The following IFT88 variants were observed in gnomAD, a reference collection of about 807,000 sequenced individuals.
The protein encoded by IFT88 is intraflagellar transport 88.
Under a neutral mutation model 119.5 loss-of-function variants are expected in IFT88, and 74 were observed. That is an observed-to-expected ratio of 0.62 (90% confidence interval 0.51 to 0.75). IFT88 has a LOEUF of 0.75. IFT88 is among the 30% of genes least tolerant of loss of function. The pLI is 0.00. For synonymous variants in IFT88, 279 were observed against 316.7 expected, an observed-to-expected ratio of 0.88 and a Z score of 1.26; for missense variants, 961 against 977.7, an observed-to-expected ratio of 0.98 and a Z score of 0.23.
At chr13:20,571,922 G>C (rs2036435333) in intron 1 of IFT88, among the ~76,000 whole-genome samples, 1 of 152,164 alleles carries the variant, frequency 6.6e-6, no homozygotes, top group Non-Finnish European at 1.5e-5. Flanking sequence ...TGTGTCCTGA[G>C]TGCCTCCCCA....
intron 18 of IFT88, chr13:20,641,926 A>T (rs1170898889): frequency 6.5e-6 from 1 of 152,672 alleles, no homozygotes; most frequent in Non-Finnish European, 1.5e-5. Context: ...ATAGTCATTT[A>T]TTGAATGTAT....
intron 24 of IFT88, among the ~76,000 whole-genome samples, chr13:20,681,783 C>T (rs149195446): frequency 6.6e-6 from 1 of 152,312 alleles, no homozygotes; most frequent in East Asian, 1.9e-4. Flanking sequence ...TCAGAAATTA[C>T]ATTGGCAGGC....
At position 20,591,025 on chromosome 13, in the gene IFT88, C is replaced by T. The variant is rs1246533641; in HGVS notation, c.264+5C>T. On this transcript the variant is annotated splice_donor_5th_base_variant and intron_variant, in intron 5 of 25. Transcript: ENST00000351808. ...CCAATGACAGGGGCTATTCAGGTAT[C>T]TCTATTGGATGCATGTTCATTTTGT... The T allele has an allele frequency of 1.9e-6, 3 of 1,603,194 alleles. No homozygotes were observed. The highest frequency in any genetic ancestry group is 2.6e-6 in the Non-Finnish European group (3 of 1,172,482).
chr13:20,583,227 C>T (rs2039043458), intron 3 of IFT88, among the ~76,000 whole-genome samples: 1 of 152,138 alleles, frequency 6.6e-6, no homozygotes, highest in South Asian at 2.1e-4. Flanking sequence ...CCATTTTCTC[C>T]TACTTCCAAA....
intron 20 of IFT88, among the ~76,000 whole-genome samples, chr13:20,649,474 T>G (rs1463374441): frequency 1.3e-5 from 2 of 152,090 alleles, no homozygotes; most frequent in Non-Finnish European, 2.9e-5. Flanking sequence ...CACAATGTAC[T>G]AAAACTTACA....
intron 22 of IFT88, 32 bp downstream of exon 22, chr13:20,656,462 T>G: frequency 9.5e-7 from 1 of 1,049,846 alleles, no homozygotes; most frequent in Non-Finnish European, 1.4e-6. Context: ...AACTTTGAAG[T>G]GATAAGTTCT....
Position 20,625,434 on chromosome 13 carries a change from G to A in IFT88, c.1200-316G>A, listed in dbSNP as rs545937019. ...TCTCACCCTGAGAGCATTTAATATGGAAAAATATGTGGAAACTGTCGTCTG... is the reference window on the plus strand; with the variant it reads ...TCTCACCCTGAGAGCATTTAATATGAAAAAATATGTGGAAACTGTCGTCTG... On this transcript the variant is annotated intron_variant, in intron 14 of 25. Transcript: ENST00000351808. 1.5e-4 allele frequency among the ~76,000 whole-genome samples: 23 copies of A among 152,182 alleles called. No homozygotes were observed. In the South Asian group the frequency reaches 4.8e-3, roughly 32 times the overall value.
chr13:20,685,881 A>G (rs969491142), intron 24 of IFT88, among the ~76,000 whole-genome samples: 1 of 152,282 alleles, frequency 6.6e-6, no homozygotes. Context: ...CTCCATCTCA[A>G]AAAATAAATA....
In IFT88 at chr13:20,605,069, T is replaced by TA. The variant is rs1594100988; in HGVS notation, c.1082dup (p.Asn361LysfsTer2). 3 of 1,516,686 alleles carry TA rather than the reference T, an allele frequency of 2.0e-6. No individual in the cohort carries two copies. Among genetic ancestry groups the TA allele is most frequent in the African/African-American group, 1.4e-5 (1 of 72,984 alleles). 94.0% of individuals were successfully genotyped at this position (1,516,686 alleles called of 1,614,324 possible). A position where few individuals can be genotyped will look rare whatever the true frequency, so the allele number is the denominator to read the frequency against. On this transcript the variant is annotated frameshift_variant, in exon 13 of 26. Transcript: ENST00000351808. LOFTEE classifies it high-confidence loss of function. ...CATACTAACTTAGTAACTGAAGCTA[T>TA]AAAAAATGATCACCTCAGGCAAATG...
At chr13:20,658,254 G>C (rs1365879179) in intron 22 of IFT88, among the ~76,000 whole-genome samples, 1 of 145,572 alleles carries the variant, frequency 6.9e-6, no homozygotes, top group Non-Finnish European at 1.5e-5. Context: ...ACGCCACCAT[G>C]CCCAACTAAT....
At chr13:20,648,106 C>T (rs1166388712) in intron 20 of IFT88, among the ~76,000 whole-genome samples, 1 of 152,102 alleles carries the variant, frequency 6.6e-6, no homozygotes, top group Non-Finnish European at 1.5e-5. Flanking sequence ...ACCAAGGATT[C>T]TGTATCCTGG....
intron 15 of IFT88, among the ~76,000 whole-genome samples, chr13:20,627,764 G>A (rs1192236368): frequency 2.0e-5 from 3 of 146,944 alleles, no homozygotes; most frequent in Non-Finnish European, 3.0e-5. Flanking sequence ...GGTTAAGAAT[G>A]CATTGCCATG....
intron 15 of IFT88, among the ~76,000 whole-genome samples, chr13:20,627,774 G>A (rs1381364901): frequency 3.3e-5 from 5 of 149,732 alleles, no homozygotes; most frequent in Non-Finnish European, 7.4e-5. Flanking sequence ...GCATTGCCAT[G>A]GCTCATGTTT....
chr13:20,620,042 G>T (rs1212710388), intron 14 of IFT88, among the ~76,000 whole-genome samples: 2 of 151,928 alleles, frequency 1.3e-5, no homozygotes, highest in African/African-American at 2.4e-5. Flanking sequence ...TATTTCTTTG[G>T]TTAGTTCTTT....
In IFT88 at chr13:20,631,109, T is replaced by G; in HGVS notation, c.1386+7T>G. The G allele has an allele frequency of 6.5e-7, 1 of 1,539,264 alleles. No homozygotes were observed. Among genetic ancestry groups the G allele is most frequent in the Non-Finnish European group, 9.0e-7 (1 of 1,111,632 alleles). ...CTCAGCCCTGTATTATATGGTAAGT[T>G]TTTTTACTACTAAGAGTTAATCATA... is the stretch of plus-strand genomic sequence containing the variant. On this transcript the variant is annotated splice_region_variant and intron_variant, in intron 16 of 25. Coordinates refer to ENST00000351808, the MANE Select transcript of IFT88 (RefSeq NM_006531.5).
intron 11 of IFT88, among the ~76,000 whole-genome samples, chr13:20,600,637 A>G (rs1410021067): frequency 1.3e-5 from 2 of 152,208 alleles, no homozygotes; most frequent in African/African-American, 4.8e-5. Flanking sequence ...TTTGGTGAGT[A>G]TTTAGAGAAA....
intron 18 of IFT88, chr13:20,643,019 C>CAA (rs35694201): frequency 1.2e-4 from 16 of 128,982 alleles, no homozygotes; most frequent in Non-Finnish European, 1.8e-4. Context: ...AAGGAAGCTA[C>CAA]AAAAAAAAAA....
intron 16 of IFT88, among the ~76,000 whole-genome samples, chr13:20,637,076 T>G (rs2049126417): frequency 6.6e-6 from 1 of 152,194 alleles, no homozygotes; most frequent in South Asian, 2.1e-4. Flanking sequence ...TCTATTTATA[T>G]TCAGTGTCCA....
In IFT88 at chr13:20,597,117, T is replaced by G. The variant is rs774211111; in HGVS notation, c.592T>G (p.Ser198Ala). 7.8e-6 allele frequency: 12 copies of G among 1,542,714 alleles called. 1 individual carries two copies. The South Asian group carries it at 1.4e-4, about 18-fold the overall frequency. ...AAATATCAATTTGGATTTAACTTAC[T>G]CAGTAAGTATTGAAATATAACACAA... Reference protein sequence around the residue: ...PENINLDLTYSVLFNLASQYS... With the variant: ...PENINLDLTYAVLFNLASQYS... The change falls in exon 9 of 26, where the codon TCA becomes GCA. Residue 198 changes from serine (S) to alanine (A), a missense_variant and splice_region_variant. Physicochemically the swap from Ser to Ala is moderately conservative, Grantham distance 99 (BLOSUM62 1). Coordinates refer to ENST00000351808, the MANE Select transcript of IFT88 (RefSeq NM_006531.5).
Sources: allele counts gnomAD v4.1 joint callset (sites outside exome capture counted in the v4.1 genomes callset), GRCh38; gene constraint gnomAD v4.1.1; transcripts MANE v1.5; gene names NCBI Gene and HGNC (gene_info 2026-07-23, HGNC 2026-07-21).